The following C2orf78 variants were observed in gnomAD, a reference collection of about 807,000 sequenced individuals.
C2orf78 encodes chromosome 2 open reading frame 78.
In C2orf78, 12 loss-of-function variants were observed where a neutral mutation model predicts 21.4. The observed-to-expected ratio is 0.56, with a 90% CI of 0.36 to 0.91. The LOEUF is 0.91. C2orf78 is among the 40% of genes least tolerant of loss of function. The probability of loss-of-function intolerance (pLI) is 0.01; values close to 1 mark genes in which losing one functional copy is unlikely to be tolerated. For missense variants in C2orf78, 1,042 were observed against 1,092.4 expected (o/e 0.95, Z 0.65); for synonymous variants, 396 against 413.9 (o/e 0.96, Z 0.52).
chr2:73,807,111 G>A (rs1672974312), intron 1 of C2orf78, among the ~76,000 whole-genome samples: 1 of 141,818 alleles, frequency 7.1e-6, no homozygotes, highest in African/African-American at 2.8e-5. Flanking sequence ...AACCTGGGAG[G>A]CAGAGCTTGA....
At chr2:73,784,310 A>G in exon 1 of C2orf78, 1 of 1,286,202 alleles carries the variant, frequency 7.8e-7, no homozygotes, top group East Asian at 2.5e-5. Flanking sequence ...TACTGGACAC[A>G]TGCACTGGTT....
At chr2:73,816,264 G>C in exon 3 of C2orf78, 1 of 1,613,882 alleles carries the variant, frequency 6.2e-7, no homozygotes, top group Non-Finnish European at 8.5e-7. Flanking sequence ...CCAACATGAG[G>C]GTAAAGGCCC....
chr2:73,815,012 G>C (rs1413188120), intron 2 of C2orf78, 59 bp from the exon 3 acceptor site: 30 of 1,507,700 alleles, frequency 2.0e-5, no homozygotes. Flanking sequence ...TGCTGCACTG[G>C]TGTGTAGGGG....
intron 1 of C2orf78, among the ~76,000 whole-genome samples, chr2:73,810,746 A>G (rs1182716537): frequency 7.6e-6 from 1 of 132,340 alleles, no homozygotes; most frequent in Admixed American, 8.4e-5. Flanking sequence ...ATATACATGT[A>G]TATTTTATGT....
intron 1 of C2orf78, among the ~76,000 whole-genome samples, chr2:73,784,812 C>G (rs1247517925): frequency 6.6e-6 from 1 of 151,420 alleles, no homozygotes; most frequent in Non-Finnish European, 1.5e-5. Flanking sequence ...GTAATAGCCT[C>G]CCTCCACTAA....
At chr2:73,809,799 C>G (rs1362477350) in intron 1 of C2orf78, among the ~76,000 whole-genome samples, 1 of 152,028 alleles carries the variant, frequency 6.6e-6, no homozygotes, top group Non-Finnish European at 1.5e-5. Flanking sequence ...AACAAATAAA[C>G]AAACAAAAGT....
chr2:73,809,528 C>T (rs1021042998), intron 1 of C2orf78, among the ~76,000 whole-genome samples: 1 of 151,880 alleles, frequency 6.6e-6, no homozygotes, highest in Admixed American at 6.6e-5. Context: ...CTCATGCCTG[C>T]AATGTCAATG....
intron 1 of C2orf78, among the ~76,000 whole-genome samples, chr2:73,786,185 G>C (rs1672929170): frequency 6.6e-6 from 1 of 151,972 alleles, no homozygotes. Flanking sequence ...TTGGAGACCA[G>C]CCTAGGCAAC....
In C2orf78 at chr2:73,814,760, G is replaced by A. The variant is rs113619654; in HGVS notation, c.848-311G>A. Among the ~76,000 whole-genome samples the A allele has an allele frequency of 2.5e-3, 385 of 152,274 alleles. 1 individual carries two copies. The highest frequency in any genetic ancestry group is 9.1e-3 in the African/African-American group (378 of 41,544). On this transcript the variant is annotated intron_variant, in intron 2 of 2. Coordinates refer to ENST00000409561, the Ensembl canonical transcript of C2orf78. ...CTGTTCTTATTCTCTCAGGAGAGTG[G>A]AGAGAATTGAAAGGACCCTGTAAGA...
intron 1 of C2orf78, among the ~76,000 whole-genome samples, chr2:73,810,587 T>C (rs1291351167): frequency 3.6e-5 from 5 of 140,314 alleles, no homozygotes; most frequent in East Asian, 2.0e-4. Context: ...ATGTATATTA[T>C]ATATATACAT....
At chr2:73,786,147 A>AGGTGGGAAGAT (rs1672927629) in intron 1 of C2orf78, among the ~76,000 whole-genome samples, 1 of 151,996 alleles carries the variant, frequency 6.6e-6, no homozygotes, top group Non-Finnish European at 1.5e-5. Flanking sequence ...TGCAAGGCTG[A>AGGTGGGAAGAT]CGCAGGCGGA....
At chr2:73,816,880 C>T in exon 3 of C2orf78, 1 of 1,613,918 alleles carries the variant, frequency 6.2e-7, no homozygotes, top group Non-Finnish European at 8.5e-7. Context: ...AAGAGAAAGG[C>T]TCAACAAGAG....
At chr2:73,808,706 G>A in intron 1 of C2orf78, 15 of 1,512,668 alleles carry the variant, frequency 9.9e-6, no homozygotes, top group Non-Finnish European at 1.2e-5. Flanking sequence ...CTGCCACCTG[G>A]TAGAATCTTG....
intron 1 of C2orf78, among the ~76,000 whole-genome samples, 180 bp downstream of exon 1, chr2:73,784,586 T>A (rs868656822): frequency 1.3e-5 from 2 of 151,212 alleles, no homozygotes; most frequent in South Asian, 2.1e-4. Flanking sequence ...TTTAGATAAC[T>A]TTTATTCTCT....
exon 3 of C2orf78, chr2:73,816,886 A>T: frequency 6.2e-7 from 1 of 1,613,928 alleles, no homozygotes; most frequent in Non-Finnish European, 8.5e-7. Flanking sequence ...AAGGCTCAAC[A>T]AGAGCGTGAG....
intron 2 of C2orf78, among the ~76,000 whole-genome samples, chr2:73,814,737 G>A (rs1673159097): frequency 6.6e-6 from 1 of 152,180 alleles, no homozygotes. Flanking sequence ...GGTGTAAACT[G>A]TTCTTATTCT....
exon 3 of C2orf78, chr2:73,816,230 A>G (rs753762455): frequency 2.0e-5 from 32 of 1,613,806 alleles, no homozygotes; most frequent in Non-Finnish European, 2.6e-5. Context: ...AGCCATTCCC[A>G]GCTCTCAAAC....
At chr2:73,815,452 A>C in exon 3 of C2orf78, 1 of 1,613,968 alleles carries the variant, frequency 6.2e-7, no homozygotes, top group Middle Eastern at 1.6e-4. Context: ...CAAGAGGAGC[A>C]GCCTGGTTCT....
chr2:73,808,961 T>A (rs1394941384), intron 1 of C2orf78: 7 of 579,494 alleles, frequency 1.2e-5, no homozygotes, highest in Admixed American at 1.2e-4. Flanking sequence ...TAAATTTAGA[T>A]TTCTTTCCCC....
Sources: gnomAD v4.1 joint callset for allele counts (sites outside exome capture counted in the v4.1 genomes callset) on GRCh38, gnomAD v4.1.1 for gene constraint, MANE v1.5 for transcripts, NCBI Gene and HGNC (gene_info 2026-07-23, HGNC 2026-07-21) for gene names.